Variants in GTF2IRD1 observed in about 807,000 individuals in gnomAD.
GTF2IRD1 encodes general transcription factor II-I repeat domain-containing protein 1.
A neutral mutation model predicts 113.2 loss-of-function variants in GTF2IRD1; 26 were observed. That is an observed-to-expected ratio of 0.23 (90% confidence interval 0.17 to 0.32). The LOEUF is 0.32. Among genes scored for constraint, GTF2IRD1 ranks in the 10% least tolerant of loss-of-function variants. The pLI is 1.00. For synonymous variants in GTF2IRD1, 484 were observed against 529.1 expected (o/e 0.91, Z 1.17); for missense variants, 864 against 1,280.8 (o/e 0.67, Z 4.97).
intron 16 of GTF2IRD1, among the ~76,000 whole-genome samples, chr7:74,546,473 T>G (rs1798946550): frequency 6.6e-6 from 1 of 152,072 alleles, no homozygotes; most frequent in Non-Finnish European, 1.5e-5. Flanking sequence ...CTACCCACCT[T>G]GGCCTCCCAA....
chr7:74,566,776 G>A (rs144299246), intron 22 of GTF2IRD1, among the ~76,000 whole-genome samples: 102 of 152,306 alleles, frequency 6.7e-4, no homozygotes, highest in African/African-American at 2.4e-3. Flanking sequence ...CAGTAGTGTG[G>A]TAGAGATTTG....
At chr7:74,577,810 ATGC>A (rs1801167802) in intron 22 of GTF2IRD1, among the ~76,000 whole-genome samples, 1 of 152,084 alleles carries the variant, frequency 6.6e-6, no homozygotes, top group Non-Finnish European at 1.5e-5. Flanking sequence ...ACGTGCTACC[ATGC>A]CCAGCTCATA....
At chr7:74,522,597 C>G (rs930989181) in intron 7 of GTF2IRD1, among the ~76,000 whole-genome samples, 24 of 152,268 alleles carry the variant, frequency 1.6e-4, no homozygotes, top group South Asian at 4.1e-4. Flanking sequence ...ACCCTCCCCC[C>G]CAACAACAAC....
chr7:74,547,731 A>T (rs1238732203), intron 17 of GTF2IRD1, among the ~76,000 whole-genome samples: 1 of 146,730 alleles, frequency 6.8e-6, no homozygotes, highest in Non-Finnish European at 1.5e-5. Context: ...GAGCCACGGC[A>T]CCAGGCCTTT....
chr7:74,590,073 G>A, intron 23 of GTF2IRD1, 145 bp downstream of exon 23: 2 of 590,742 alleles, frequency 3.4e-6, no homozygotes, highest in Non-Finnish European at 6.2e-6. Context: ...CATGACCCAC[G>A]TTTTGTGTAT....
intron 23 of GTF2IRD1, 81 bp downstream of exon 23, chr7:74,590,009 C>T: frequency 1.2e-6 from 1 of 851,580 alleles, no homozygotes; most frequent in Middle Eastern, 3.1e-4. Context: ...GCCAGCCTGG[C>T]TTTCAGGAGC....
intron 1 of GTF2IRD1, among the ~76,000 whole-genome samples, chr7:74,471,672 TAAAAAAAAAAAA>T (rs66929736): frequency 1.4e-3 from 143 of 104,698 alleles, no homozygotes; most frequent in African/African-American, 4.9e-3. Context: ...TTGAAATATT[TAAAAAAAAAAAA>T]AAAAACAAAA....
intron 22 of GTF2IRD1, among the ~76,000 whole-genome samples, chr7:74,585,868 C>T (rs1801686830): frequency 6.6e-6 from 1 of 150,946 alleles, no homozygotes; most frequent in South Asian, 2.1e-4. Flanking sequence ...GCCTGGGTGA[C>T]AGAGCAAGAC....
chr7:74,501,120 A>G (rs989004640), intron 1 of GTF2IRD1, among the ~76,000 whole-genome samples: 7 of 152,132 alleles, frequency 4.6e-5, no homozygotes, highest in Non-Finnish European at 7.4e-5. Context: ...AAGCCCAGGC[A>G]GGAGAAACGG....
chr7:74,574,786 A>T (rs915520684), intron 22 of GTF2IRD1, among the ~76,000 whole-genome samples: 6 of 150,568 alleles, frequency 4.0e-5, no homozygotes, highest in African/African-American at 1.5e-4. Flanking sequence ...ATCAACACTG[A>T]TTAAAAAAAA....
intron 1 of GTF2IRD1, among the ~76,000 whole-genome samples, chr7:74,479,412 C>A (rs2117093880): frequency 1.3e-5 from 2 of 151,298 alleles, no homozygotes; most frequent in East Asian, 3.9e-4. Context: ...GTGGGCGGCC[C>A]AGGCTGGCGG....
intron 13 of GTF2IRD1, among the ~76,000 whole-genome samples, chr7:74,539,614 C>T (rs1273272278): frequency 1.3e-5 from 2 of 151,966 alleles, no homozygotes; most frequent in Non-Finnish European, 2.9e-5. Flanking sequence ...CATGGTGGCT[C>T]ACGCCTGTAG....
At chr7:74,476,371 T>TG (rs1393524680) in intron 1 of GTF2IRD1, among the ~76,000 whole-genome samples, 1 of 137,794 alleles carries the variant, frequency 7.3e-6, no homozygotes, top group African/African-American at 2.8e-5. Flanking sequence ...ACCTCCTTTT[T>TG]TTTTTTCTTT....
chr7:74,519,829 G>A, intron 6 of GTF2IRD1, 110 bp downstream of exon 6: 2 of 748,992 alleles, frequency 2.7e-6, no homozygotes, highest in Non-Finnish European at 4.4e-6. Context: ...TAGGTTGGAA[G>A]GAGCCATGTC....
intron 1 of GTF2IRD1, among the ~76,000 whole-genome samples, chr7:74,481,020 T>C (rs1794713479): frequency 1.3e-5 from 2 of 152,186 alleles, no homozygotes; most frequent in South Asian, 4.1e-4. Context: ...TCACTTCCCC[T>C]TGGAAGGCAG....
intron 17 of GTF2IRD1, among the ~76,000 whole-genome samples, chr7:74,549,762 G>T (rs1287607311): frequency 6.6e-6 from 1 of 151,796 alleles, no homozygotes; most frequent in East Asian, 1.9e-4. Context: ...AAGGCCGGGT[G>T]CGGTGGCTCA....
intron 22 of GTF2IRD1, 148 bp from the exon 23 acceptor site, chr7:74,589,703 G>GA (rs370934211): frequency 0.13 from 56,012 of 417,182 alleles, 1 homozygote; most frequent in South Asian, 0.2. Context: ...GTCTCAAAAG[G>GA]AAAAAAAAAA....
At position 74,505,257 on chromosome 7, in the gene GTF2IRD1, G is replaced by A. The variant is rs545007539; in HGVS notation, c.-6-2818G>A. Reference sequence around the variant, plus strand: ...AATCTCGGGCTTTCAGGACTCACCCGAGGTGCTCCTAGCAGACGTGGGCCT... The same window carrying A: ...AATCTCGGGCTTTCAGGACTCACCCAAGGTGCTCCTAGCAGACGTGGGCCT... On this transcript the variant is annotated intron_variant, in intron 1 of 26. Transcript: ENST00000424337. 1.4e-4 allele frequency among the ~76,000 whole-genome samples: 22 copies of A among 152,288 alleles called. 1 individual carries two copies. The South Asian group carries it at 3.3e-3, about 23-fold the overall frequency.
chr7:74,531,459 G>A (rs1307743310), intron 9 of GTF2IRD1, among the ~76,000 whole-genome samples: 1 of 152,032 alleles, frequency 6.6e-6, no homozygotes, highest in Non-Finnish European at 1.5e-5. Flanking sequence ...AGATGTGGAT[G>A]AAATGCTTAG....
Sources: allele counts gnomAD v4.1 joint callset (sites outside exome capture counted in the v4.1 genomes callset), GRCh38; gene constraint gnomAD v4.1.1; transcripts MANE v1.5; gene names NCBI Gene and HGNC (gene_info 2026-07-23, HGNC 2026-07-21).